Variants in PSMC3 observed in about 807,000 individuals in gnomAD.
The protein encoded by PSMC3 is 26S proteasome regulatory subunit 6A.
Under a neutral mutation model 52.0 loss-of-function variants are expected in PSMC3, and 11 were observed. The ratio of observed to expected loss-of-function variants is 0.21; its 90% CI spans 0.13 to 0.35. The LOEUF (loss-of-function observed/expected upper bound fraction) is 0.35, where lower values mean the gene tolerates loss of function less well. Ranked by LOEUF, PSMC3 falls within the 10% of genes least tolerant of loss-of-function variation. The probability of loss-of-function intolerance (pLI) is 1.00; values close to 1 mark genes in which losing one functional copy is unlikely to be tolerated. For synonymous variants in PSMC3, 201 were observed against 218.8 expected (o/e 0.92, Z 0.72); for missense variants, 238 against 567.1 (o/e 0.42, Z 5.89).
In PSMC3 at chr11:47,424,729, C is replaced by T. The variant is rs2096044472; in HGVS notation, c.286-18G>A. On this transcript the variant is annotated intron_variant, in intron 3 of 11. Transcript: ENST00000298852. This position sits in a 1 kb window ranked among gnomAD's most constrained non-coding sequence, Gnocchi z 4.8. ...TCCAGGAGCTGGGAAGGAAAAAATA[C>T]TCAGCTCCTTGAACTCCCCAAGGCC... The T allele has an allele frequency of 1.3e-6, 2 of 1,587,536 alleles. No individual in the cohort carries two copies. Among genetic ancestry groups the T allele is most frequent in the Non-Finnish European group, 1.7e-6 (2 of 1,155,864 alleles).
In PSMC3 at chr11:47,424,741, A is replaced by T. The variant is rs55927797; in HGVS notation, c.286-30T>A. 0.32 allele frequency: 496,781 copies of T among 1,550,688 alleles called. 80,741 individuals are homozygous for T. The highest frequency in any genetic ancestry group is 0.39 in the Admixed American group (23,199 of 59,868). ...GAAGGAAAAAATACTCAGCTCCTTG[A>T]ACTCCCCAAGGCCCAGTGCTTCCTA... On this transcript the variant is annotated intron_variant, in intron 3 of 11. Coordinates refer to ENST00000298852, the MANE Select transcript of PSMC3 (RefSeq NM_002804.5). This position sits in a 1 kb window ranked among gnomAD's most constrained non-coding sequence, Gnocchi z 4.8.
At position 47,425,873 on chromosome 11, in the gene PSMC3, C is replaced by T. The variant is rs753723291; in HGVS notation, c.153G>A (p.Glu51=). Residue 51 remains glutamate, a synonymous_variant, in exon 2 of 12, where the codon GAG becomes GAA. Coordinates refer to ENST00000298852, the MANE Select transcript of PSMC3 (RefSeq NM_002804.5). ...ACAGGAGCTGTGCGCCCACCTTGAT[C>T]TCACTGTCCAGCAGCCGTGTGCGCT... ...IIQRTRLLDS[E]IKIMKSEVLR... is the part of the protein sequence containing the mutation. The T allele has an allele frequency of 6.1e-5, 98 of 1,613,434 alleles. No individual in the cohort carries two copies. The highest frequency in any genetic ancestry group is 7.1e-5 in the Non-Finnish European group (84 of 1,179,600).
In PSMC3 at chr11:47,424,445, T is replaced by C. The variant is rs767646924; in HGVS notation, c.437A>G (p.Lys146Arg). The C allele has an allele frequency of 1.2e-6, 2 of 1,614,028 alleles. No individual in the cohort carries two copies. The highest frequency in any genetic ancestry group is 1.7e-6 in the Non-Finnish European group (2 of 1,180,010). ...CCCACTCACCACCAGGTCTCCTGGC[T>C]TTAGCTTTTCAGCATCCACCAACCC... is the stretch of plus-strand genomic sequence containing the variant. The part of the protein sequence containing the change: ...VIGLVDAEKL[K>R]PGDLVGVNKD... Residue 146 changes from lysine to arginine, a missense_variant, in exon 5 of 12, where the codon AAG (lysine) becomes AGG (arginine). By Grantham distance (26) the Lys-to-Arg change is conservative (BLOSUM62 2). Around this residue, in one of 6 missense-constraint regions of PSMC3, gnomAD observed 60 missense variants for 117.3 expected, o/e 0.51. Coordinates refer to ENST00000298852, the MANE Select transcript of PSMC3 (RefSeq NM_002804.5). The surrounding 1 kb of genome is among the most constrained non-coding windows in gnomAD (Gnocchi z 4.8).
intron 2 of PSMC3, chr11:47,425,513 C>A: frequency 7.1e-6 from 4 of 566,566 alleles, no homozygotes; most frequent in Middle Eastern, 4.7e-4. Flanking sequence ...TTAGGTTCTG[C>A]CTCATAGTAA....
rs1351817275 is a variant in PSMC3 at position 47,424,969 on chromosome 11, C to T, written c.285+152G>A. On this transcript the variant is annotated intron_variant, in intron 3 of 11. Transcript: ENST00000298852. This position sits in a 1 kb window ranked among gnomAD's most constrained non-coding sequence, Gnocchi z 4.8. The stretch of plus-strand genomic sequence containing the variant: ...GTGAGACCTCCCAGGACTTTGCAGG[C>T]CCCGTCTTCCCCATGAAAGTGCCCC... The T allele has an allele frequency of 8.4e-7, 1 of 1,192,760 alleles. No homozygotes were observed. The highest frequency in any genetic ancestry group is 1.2e-6 in the Non-Finnish European group (1 of 845,212). 73.9% of individuals were successfully genotyped at this position (1,192,760 alleles called of 1,614,324 possible).
In PSMC3 at chr11:47,420,266, G is replaced by A. The variant is rs769975618; in HGVS notation, c.1125C>T (p.Val375=). 25 of 1,614,012 alleles carry A rather than the reference G, an allele frequency of 1.5e-5. No homozygotes were observed. The highest frequency in any genetic ancestry group is 3.3e-5 in the Admixed American group (2 of 60,004). ...IMQIHSRKMN[V]SPDVNYEELA... is the part of the protein sequence containing the mutation. ...GCCCTGCCCGTGCTCCTGCTCACCTGACATTCATCTTTCGGGAGTGGATCT... is the reference window on the plus strand; with the variant it reads ...GCCCTGCCCGTGCTCCTGCTCACCTAACATTCATCTTTCGGGAGTGGATCT... The change falls in exon 10 of 12, where the codon GTC becomes GTT. Residue 375 remains valine, a splice_region_variant and synonymous_variant. Coordinates refer to ENST00000298852, the MANE Select transcript of PSMC3 (RefSeq NM_002804.5).
Position 47,424,322 on chromosome 11 carries a change from C to T in PSMC3, c.453+107G>A. The stretch of plus-strand genomic sequence containing the variant: ...AACAGCAAGTAGACAGAATCCCAGA[C>T]TCTCGGAGCTGTTCTGCCAAGATTC... On this transcript the variant is annotated intron_variant, in intron 5 of 11. Transcript: ENST00000298852. The surrounding 1 kb of genome is among the most constrained non-coding windows in gnomAD (Gnocchi z 4.8). The T allele has an allele frequency of 6.4e-7, 1 of 1,555,258 alleles. No homozygotes were observed. Among genetic ancestry groups the T allele is most frequent in the Non-Finnish European group, 8.9e-7 (1 of 1,128,140 alleles).
chr11:47,426,131 A>T, intron 1 of PSMC3, 74 bp downstream of exon 1: 24 of 1,331,836 alleles, frequency 1.8e-5, no homozygotes, highest in Non-Finnish European at 2.3e-5. Flanking sequence ...ACCCCCAGCC[A>T]CCTCCTTCCC....
chr11:47,420,241 GC>G, intron 10 of PSMC3, 22 bp downstream of exon 10: 1 of 1,612,970 alleles, frequency 6.2e-7, no homozygotes. Flanking sequence ...AGGTCTCTGT[GC>G]CCTGCCCGTG....
Position 47,424,049 on chromosome 11 carries a change from C to T in PSMC3, c.588G>A (p.Gln196=), listed in dbSNP as rs755047871. 2 of 1,614,206 alleles carry T rather than the reference C, an allele frequency of 1.2e-6. No individual in the cohort carries two copies. The highest frequency in any genetic ancestry group is 3.3e-5 in the Admixed American group (2 of 60,026). ...GCAGCTGCCGTGCCTCCCTCACCTC[C>T]TGGATCTGCTTGTCCAAACCCCCAA... ...SDIGGLDKQI[Q]ELVEAIVLPM... The change falls in exon 6 of 12, where the codon CAG becomes CAA. Residue 196 remains glutamine, a synonymous_variant. Transcript: ENST00000298852. The surrounding 1 kb of genome is among the most constrained non-coding windows in gnomAD (Gnocchi z 4.8).
At chr11:47,423,283 C>T (rs1045525250) in intron 6 of PSMC3, among the ~76,000 whole-genome samples, 12 of 152,178 alleles carry the variant, frequency 7.9e-5, no homozygotes, top group African/African-American at 9.6e-5. Flanking sequence ...TGCCTGTAGT[C>T]CCAGCTACTC....
At chr11:47,421,249 C>CCA (rs1491421243) in intron 8 of PSMC3, among the ~76,000 whole-genome samples, 1 of 61,402 alleles carries the variant, frequency 1.6e-5, no homozygotes, top group African/African-American at 7.1e-5. Context: ...GACTCCATCT[C>CCA]AAAAAAAAAA....
chr11:47,424,714 G>A lies in PSMC3; in HGVS notation c.286-3C>T. On this transcript the variant is annotated splice_polypyrimidine_tract_variant and splice_region_variant and intron_variant, in intron 3 of 11. Coordinates refer to ENST00000298852, the MANE Select transcript of PSMC3 (RefSeq NM_002804.5). This position sits in a 1 kb window ranked among gnomAD's most constrained non-coding sequence, Gnocchi z 4.8. Reference sequence around the variant, plus strand: ...TCATTAGGATCAACATCCAGGAGCTGGGAAGGAAAAAATACTCAGCTCCTT... The same window carrying A: ...TCATTAGGATCAACATCCAGGAGCTAGGAAGGAAAAAATACTCAGCTCCTT... 6.2e-7 allele frequency: 1 copy of A among 1,607,260 alleles called. No homozygotes were observed. Among genetic ancestry groups the A allele is most frequent in the Non-Finnish European group, 8.5e-7 (1 of 1,173,936 alleles).
intron 1 of PSMC3, 65 bp from the exon 2 acceptor site, chr11:47,426,015 C>G: frequency 6.6e-7 from 1 of 1,504,926 alleles, no homozygotes; most frequent in Non-Finnish European, 9.2e-7. Flanking sequence ...CCTCGTTCTC[C>G]GAACCCACTC....
At chr11:47,425,782 C>G in intron 2 of PSMC3, 85 bp downstream of exon 2, 1 of 1,242,360 alleles carries the variant, frequency 8.0e-7, no homozygotes, top group Non-Finnish European at 1.1e-6. Flanking sequence ...CCAGGGTGCC[C>G]GATTAGGAAG....
Position 47,422,897 on chromosome 11 carries a change from ACC to A in PSMC3, c.666_667del (p.Val223AlafsTer22). Reference sequence around the variant, plus strand: ...CGTCCCTGGGGGCCCATACATCAGCACCCCTTTTGGAGGTTGGATCCCCAAGT... The same window carrying A: ...CGTCCCTGGGGGCCCATACATCAGCACCTTTTGGAGGTTGGATCCCCAAGT... On this transcript the variant is annotated frameshift_variant, in exon 7 of 12. Transcript: ENST00000298852. LOFTEE classifies it high-confidence loss of function. The surrounding 1 kb of genome is among the most constrained non-coding windows in gnomAD (Gnocchi z 4.3). 6.2e-7 allele frequency: 1 copy of A among 1,613,566 alleles called. No homozygotes were observed. Among genetic ancestry groups the A allele is most frequent in the Non-Finnish European group, 8.5e-7 (1 of 1,179,824 alleles).
intron 2 of PSMC3, 62 bp downstream of exon 2, chr11:47,425,805 C>T: frequency 6.8e-7 from 1 of 1,471,416 alleles, no homozygotes; most frequent in Non-Finnish European, 9.3e-7. Flanking sequence ...CGAGAGGCGA[C>T]TCGGATCGCC....
Position 47,424,720 on chromosome 11 carries a change from GA to G in PSMC3, c.286-10del. 6.3e-7 allele frequency: 1 copy of G among 1,594,540 alleles called. No individual in the cohort carries two copies. Among genetic ancestry groups the G allele is most frequent in the Admixed American group, 1.7e-5 (1 of 59,082 alleles). On this transcript the variant is annotated splice_polypyrimidine_tract_variant and intron_variant, in intron 3 of 11. Coordinates refer to ENST00000298852, the MANE Select transcript of PSMC3 (RefSeq NM_002804.5). This position sits in a 1 kb window ranked among gnomAD's most constrained non-coding sequence, Gnocchi z 4.8. ...GGATCAACATCCAGGAGCTGGGAAG[GA>G]AAAAATACTCAGCTCCTTGAACTCC...
chr11:47,420,558 C>T (rs1023765737), intron 9 of PSMC3, 73 bp downstream of exon 9: 2 of 1,507,666 alleles, frequency 1.3e-6, no homozygotes, highest in African/African-American at 2.8e-5. Context: ...AGCTCCACCA[C>T]TGGCTAGCTG....
Sources: allele counts gnomAD v4.1 joint callset (sites outside exome capture counted in the v4.1 genomes callset), GRCh38; gene constraint gnomAD v4.1.1; regional missense constraint gnomAD v4.1.1; non-coding constraint Gnocchi (gnomAD v3.1); transcripts MANE v1.5; gene names NCBI Gene and HGNC (gene_info 2026-07-23, HGNC 2026-07-21).